RFFL: variants seen among roughly 807,000 people sequenced by gnomAD.
The protein encoded by RFFL is E3 ubiquitin-protein ligase rififylin.
RFFL carries 16 observed loss-of-function variants against 40.4 expected under a neutral mutation model. That is an observed-to-expected ratio of 0.40 (90% CI 0.27 to 0.60). The LOEUF is 0.60. Among genes scored for constraint, RFFL ranks in the 20% least tolerant of loss-of-function variants. The pLI is 0.47. For missense variants in RFFL, 367 were observed against 451.7 expected (o/e 0.81, Z 1.70); for synonymous variants, 154 against 167.9 (o/e 0.92, Z 0.64).
chr17:35,088,884 G>A (rs2091444273), intron 1 of RFFL: 1 of 152,336 alleles, frequency 6.6e-6, no homozygotes, highest in Non-Finnish European at 1.5e-5. Flanking sequence ...TCTTTGAGGG[G>A]ACTTTTCAAA....
chr17:35,048,603 T>G (rs2091214138), intron 1 of RFFL, among the ~76,000 whole-genome samples: 1 of 152,082 alleles, frequency 6.6e-6, no homozygotes, highest in African/African-American at 2.4e-5. Context: ...CCCAGGCTGT[T>G]AAATCTCTTC....
chr17:35,073,182 A>G (rs951350134), intron 1 of RFFL, among the ~76,000 whole-genome samples: 5 of 152,246 alleles, frequency 3.3e-5, no homozygotes, highest in African/African-American at 4.8e-5. Flanking sequence ...TTATTTAAGC[A>G]TAGATTGGTT....
At chr17:35,083,177 T>C (rs1457962727) in intron 1 of RFFL, among the ~76,000 whole-genome samples, 5 of 152,234 alleles carry the variant, frequency 3.3e-5, no homozygotes, top group Admixed American at 1.3e-4. Flanking sequence ...CTGATGATCA[T>C]AACTAGATTC....
chr17:35,018,104 A>G (rs1055345708), intron 3 of RFFL, among the ~76,000 whole-genome samples: 3 of 151,910 alleles, frequency 2.0e-5, no homozygotes, highest in Non-Finnish European at 4.4e-5. Context: ...CCTCCTTCAC[A>G]CTAAATCTCC....
intron 1 of RFFL, among the ~76,000 whole-genome samples, chr17:35,063,298 A>T (rs1476497247): frequency 6.6e-6 from 1 of 151,872 alleles, no homozygotes; most frequent in Non-Finnish European, 1.5e-5. Flanking sequence ...TCTACTAAAA[A>T]TACAAAATTA....
At chr17:35,085,463 CTT>C (rs1334758012) in intron 1 of RFFL, among the ~76,000 whole-genome samples, 2 of 152,196 alleles carry the variant, frequency 1.3e-5, no homozygotes, top group African/African-American at 4.8e-5. Context: ...GAGTTTCGCT[CTT>C]GTTGCCCAGG....
At chr17:35,032,022 G>C (rs2091087174) in intron 1 of RFFL, among the ~76,000 whole-genome samples, 1 of 151,324 alleles carries the variant, frequency 6.6e-6, no homozygotes, top group Admixed American at 6.6e-5. Context: ...GTGAACCCAG[G>C]AGGCGGAGCT....
At chr17:35,041,038 C>T (rs2091162231) in intron 1 of RFFL, among the ~76,000 whole-genome samples, 1 of 151,672 alleles carries the variant, frequency 6.6e-6, no homozygotes, top group Non-Finnish European at 1.5e-5. Context: ...GCTACCACGA[C>T]CAGCCTTTTA....
chr17:35,073,554 T>A (rs1401555043), intron 1 of RFFL, among the ~76,000 whole-genome samples: 1 of 152,214 alleles, frequency 6.6e-6, no homozygotes, highest in African/African-American at 2.4e-5. Context: ...TCACAGGACT[T>A]CATATGTAGT....
chr17:35,064,926 C>A (rs2091312644), upstream of RFFL, among the ~76,000 whole-genome samples: 1 of 152,170 alleles, frequency 6.6e-6, no homozygotes, highest in Non-Finnish European at 1.5e-5. Context: ...TTACATTATT[C>A]CAGTAGGATA....
chr17:35,067,773 C>T (rs1037300297), upstream of RFFL, among the ~76,000 whole-genome samples: 3 of 152,046 alleles, frequency 2.0e-5, no homozygotes, highest in African/African-American at 7.2e-5. Context: ...AATTCTGATA[C>T]AGATGGGCCT....
chr17:35,041,397 C>T (rs75517797), intron 1 of RFFL, among the ~76,000 whole-genome samples: 3,406 of 152,124 alleles, frequency 0.022, 104 homozygotes, highest in African/African-American at 0.078. Flanking sequence ...CATGTTAACT[C>T]TTTGTACATA....
intron 1 of RFFL, among the ~76,000 whole-genome samples, chr17:35,037,637 G>A (rs1325535079): frequency 6.6e-6 from 1 of 152,050 alleles, no homozygotes; most frequent in Non-Finnish European, 1.5e-5. Flanking sequence ...CCCATTTTCA[G>A]GTGAGAAAAA....
rs1429463857 is a variant in RFFL at position 35,009,199 on chromosome 17, G to C, written c.*2769C>G. On this transcript the variant is annotated 3_prime_UTR_variant, in exon 7 of 7. Transcript: ENST00000394597. ...CATTTGGGTTTGCTTTAACCTCCAA[G>C]TAAGTCTGAGAAAATCTTAATAAAA... 1.3e-5 allele frequency: 2 copies of C among 152,622 alleles called. No individual in the cohort carries two copies. Among genetic ancestry groups the C allele is most frequent in the Non-Finnish European group, 2.9e-5 (2 of 68,032 alleles). 9.5% of individuals were successfully genotyped at this position (152,622 alleles called of 1,614,324 possible).
Position 35,014,738 on chromosome 17 carries a change from ACC to A in RFFL, c.910_910+1del. On this transcript the variant is annotated splice_donor_variant and coding_sequence_variant, in exon 6 of 7. Transcript: ENST00000394597. LOFTEE classifies it high-confidence loss of function. ...CATTCCCAAACAGAAACAACTACAT[ACC>A]GTTTTGGTCTTCGGCACCACTGACT... 1 of 1,613,450 alleles carries A rather than the reference ACC, an allele frequency of 6.2e-7. No individual in the cohort carries two copies.
chr17:35,034,159 AAATAATAATAAT>A (rs566110271), intron 1 of RFFL, among the ~76,000 whole-genome samples: 1 of 151,220 alleles, frequency 6.6e-6, no homozygotes, highest in African/African-American at 2.4e-5. Flanking sequence ...ATAAAAAATA[AAATAATAATAAT>A]AATAATGATA....
chr17:35,078,903 C>A (rs2091390528), intron 1 of RFFL, among the ~76,000 whole-genome samples: 1 of 151,742 alleles, frequency 6.6e-6, no homozygotes, highest in South Asian at 2.1e-4. Flanking sequence ...TCACGTGAAC[C>A]CAGGAGGCAG....
chr17:35,014,238 T>C (rs1597810768), intron 6 of RFFL, among the ~76,000 whole-genome samples: 1 of 151,726 alleles, frequency 6.6e-6, no homozygotes, highest in African/African-American at 2.4e-5. Flanking sequence ...GCCCAGAGAG[T>C]AGCACATGTG....
rs145859611 is a variant in RFFL at position 35,078,833 on chromosome 17, A to C, written c.-9+10272T>G. ...CGTCTCTACAAAAAATACAAAAATT[A>C]GCTGGATGTGGTGGCACACGCCTGT... On this transcript the variant is annotated intron_variant, in intron 1 of 6. Coordinates refer to the RFFL transcript ENST00000315249. Among the ~76,000 whole-genome samples, 1,083 of 152,178 alleles carry C rather than the reference A, an allele frequency of 7.1e-3. 13 individuals carry two copies. The highest frequency in any genetic ancestry group is 0.024 in the African/African-American group (1,009 of 41,518).
Sources: allele counts gnomAD v4.1 joint callset (sites outside exome capture counted in the v4.1 genomes callset), GRCh38; gene constraint gnomAD v4.1.1; transcripts MANE v1.5; gene names NCBI Gene and HGNC (gene_info 2026-07-23, HGNC 2026-07-21).